GATA4: variants seen among roughly 807,000 people sequenced by gnomAD.
GATA4 encodes GATA binding protein 4.
In GATA4, 7 loss-of-function variants were observed where a neutral mutation model predicts 37.9. The observed-to-expected ratio is 0.18, with a 90% confidence interval of 0.11 to 0.35. GATA4 has a LOEUF of 0.35. GATA4 is among the 10% of genes least tolerant of loss of function. The pLI is 1.00. For missense variants in GATA4, 647 were observed against 653.0 expected (o/e 0.99, Z 0.10); for synonymous variants, 372 against 292.6 (o/e 1.27, Z -2.77).
intron 2 of GATA4, among the ~76,000 whole-genome samples, chr8:11,748,466 T>C (rs1802135898): frequency 6.6e-6 from 1 of 152,238 alleles, no homozygotes; most frequent in East Asian, 1.9e-4. Flanking sequence ...AGTGACAATC[T>C]GGATTTTCTT....
intron 1 of GATA4, chr8:11,698,012 G>A (rs1403860632): frequency 3.8e-5 from 37 of 985,330 alleles, no homozygotes; most frequent in Non-Finnish European, 4.2e-5. Context: ...AGCTGGGCAA[G>A]AGGAGCCCTG....
At chr8:11,692,821 C>G (rs1037844096) in intron 1 of GATA4, 7 of 981,966 alleles carry the variant, frequency 7.1e-6, no homozygotes, top group Non-Finnish European at 8.5e-6. Context: ...GGCGCCAGGC[C>G]GGGCAGAGGC....
At chr8:11,697,667 C>T (rs1034158972) in intron 1 of GATA4, 2 of 985,352 alleles carry the variant, frequency 2.0e-6, no homozygotes, top group African/African-American at 3.5e-5. Flanking sequence ...CCCGGGTCTT[C>T]GCGCCTGCGG....
At chr8:11,748,818 C>A (rs1409689424) in intron 2 of GATA4, 98 bp from the exon 3 acceptor site, 3 of 1,377,184 alleles carry the variant, frequency 2.2e-6, no homozygotes, top group African/African-American at 2.9e-5. Context: ...AAGGAAAGGG[C>A]ATTGTTTCTG....
Position 11,748,910 on chromosome 8 carries a change from A to C in GATA4, c.617-6A>C. The C allele has an allele frequency of 2.5e-6, 4 of 1,614,132 alleles. No individual in the cohort carries two copies. In the South Asian group the frequency reaches 3.3e-5, roughly 13 times the overall value. On this transcript the variant is annotated splice_region_variant and splice_polypyrimidine_tract_variant and intron_variant, in intron 2 of 6. Coordinates refer to ENST00000532059, the MANE Select transcript of GATA4 (RefSeq NM_001308093.3). ...TGTCTTTTCTTGTCTGTTCCCCCCA[A>C]CTCAGTAGATATGTTTGACGACTTC...
At chr8:11,705,703 A>G (rs1026889756) in intron 1 of GATA4, among the ~76,000 whole-genome samples, 12 of 152,206 alleles carry the variant, frequency 7.9e-5, no homozygotes, top group Non-Finnish European at 1.8e-4. Flanking sequence ...TTTTCCAGAA[A>G]GTTATAGAGG....
upstream of GATA4, among the ~76,000 whole-genome samples, chr8:11,701,845 C>T (rs555909121): frequency 3.4e-5 from 5 of 147,128 alleles, no homozygotes; most frequent in South Asian, 6.8e-4. Flanking sequence ...GGGTAAAGGA[C>T]CGGGGTGGTG....
chr8:11,708,107 A>G lies in GATA4; in HGVS notation c.-206A>G. On this transcript the variant is annotated 5_prime_UTR_variant, in exon 2 of 7. Coordinates refer to ENST00000532059, the MANE Select transcript of GATA4 (RefSeq NM_001308093.3). The surrounding 1 kb of genome is among the most constrained non-coding windows in gnomAD (Gnocchi z 6.7). The stretch of plus-strand genomic sequence containing the variant: ...AATTCAAATTGGGATTTTCCGGAGT[A>G]AACAAGAGCCTAGAGCCCTTTGCTC... 1 of 672,980 alleles carries G rather than the reference A, an allele frequency of 1.5e-6. No individual in the cohort carries two copies. 41.7% of individuals were successfully genotyped at this position (672,980 alleles called of 1,614,324 possible).
chr8:11,687,008 A>G (rs1315593036), intron 1 of GATA4, among the ~76,000 whole-genome samples: 1 of 152,110 alleles, frequency 6.6e-6, no homozygotes, highest in Non-Finnish European at 1.5e-5. Flanking sequence ...AAAAAAAAAA[A>G]AAAAATCCTC....
chr8:11,694,963 C>G (rs565720050), intron 1 of GATA4, among the ~76,000 whole-genome samples: 39 of 152,316 alleles, frequency 2.6e-4, no homozygotes, highest in African/African-American at 8.9e-4. Context: ...GTGATGTCCA[C>G]TAGACTATAA....
rs1799935152 is a variant in GATA4 at position 11,707,368 on chromosome 8, GT to G, written c.-457-487del. ...AAACTTTGTTAGGTTGTTGTTTTGT[GT>G]AAAGTTTGTCCTTGTCCCCCCAAGG... On this transcript the variant is annotated intron_variant, in intron 1 of 6. Transcript: ENST00000532059. This position sits in a 1 kb window ranked among gnomAD's most constrained non-coding sequence, Gnocchi z 4.7. Among the ~76,000 whole-genome samples the G allele has an allele frequency of 6.7e-6, 1 of 149,758 alleles. No homozygotes were observed. Among genetic ancestry groups the G allele is most frequent in the South Asian group, 2.1e-4 (1 of 4,702 alleles).
At chr8:11,712,765 G>T (rs1451641602) in intron 2 of GATA4, among the ~76,000 whole-genome samples, 2 of 152,064 alleles carry the variant, frequency 1.3e-5, no homozygotes, top group African/African-American at 4.8e-5. Flanking sequence ...GGAGGCTGAG[G>T]TGGGAGGATC....
intron 5 of GATA4, among the ~76,000 whole-genome samples, chr8:11,755,992 T>C (rs962639257): frequency 4.0e-5 from 6 of 150,600 alleles, no homozygotes; most frequent in African/African-American, 1.5e-4. Flanking sequence ...ATTAACTATT[T>C]ATTAAATTTA....
At chr8:11,742,161 A>T (rs1801770286) in intron 2 of GATA4, among the ~76,000 whole-genome samples, 1 of 151,986 alleles carries the variant, frequency 6.6e-6, no homozygotes, top group Non-Finnish European at 1.5e-5. Flanking sequence ...TCCAGGGAGG[A>T]GCCGCTGGGG....
intron 1 of GATA4, chr8:11,683,081 C>T (rs1267720560): frequency 8.1e-6 from 8 of 985,376 alleles, no homozygotes; most frequent in Non-Finnish European, 9.6e-6. Context: ...TAGGTTTTCC[C>T]AGCCTTCTCG....
intron 2 of GATA4, among the ~76,000 whole-genome samples, chr8:11,738,114 G>A (rs2130246495): frequency 6.6e-6 from 1 of 150,626 alleles, no homozygotes; most frequent in Non-Finnish European, 1.5e-5. Context: ...CTGGGAGGTG[G>A]AGGTTGCAGT....
At chr8:11,717,034 T>C (rs1357276069) in intron 2 of GATA4, among the ~76,000 whole-genome samples, 2 of 152,346 alleles carry the variant, frequency 1.3e-5, no homozygotes, top group East Asian at 1.9e-4. Context: ...TGTCCTAGCC[T>C]GCCTGCAGAA....
chr8:11,725,048 G>C (rs1224001952), intron 2 of GATA4, among the ~76,000 whole-genome samples: 1 of 152,230 alleles, frequency 6.6e-6, no homozygotes, highest in Non-Finnish European at 1.5e-5. Flanking sequence ...CTTCACGTTT[G>C]CTTCACCGCC....
Position 11,709,282 on chromosome 8 carries a change from A to G in GATA4, c.616+354A>G, listed in dbSNP as rs78343603. On this transcript the variant is annotated intron_variant, in intron 2 of 6. Transcript: ENST00000532059. This position sits in a 1 kb window ranked among gnomAD's most constrained non-coding sequence, Gnocchi z 4.3. ...GGAGAGCCGGGGGCAGCGGCCTGGGATTTCCTCGTGGAAGGTGCTGGAGAT... is the reference window on the plus strand; with the variant it reads ...GGAGAGCCGGGGGCAGCGGCCTGGGGTTTCCTCGTGGAAGGTGCTGGAGAT... Among the ~76,000 whole-genome samples, 409 of 152,154 alleles carry G rather than the reference A, an allele frequency of 2.7e-3. 17 individuals carry two copies. In the East Asian group the frequency reaches 0.074, roughly 27 times the overall value.
Sources: gnomAD v4.1 joint callset for allele counts (sites outside exome capture counted in the v4.1 genomes callset) on GRCh38, gnomAD v4.1.1 for gene constraint, Gnocchi (gnomAD v3.1) non-coding constraint, MANE v1.5 for transcripts, NCBI Gene and HGNC (gene_info 2026-07-23, HGNC 2026-07-21) for gene names.